The following B4GALNT2 variants were observed in gnomAD, a reference collection of about 807,000 sequenced individuals.
The protein encoded by B4GALNT2 is beta-1,4-N-acetyl-galactosaminyltransferase 2 (SID blood group).
Under a neutral mutation model 51.1 loss-of-function variants are expected in B4GALNT2, and 42 were observed. That is an observed-to-expected ratio of 0.82 (90% CI 0.64 to 1.06). The LOEUF is 1.06. B4GALNT2 is among the 50% of genes least tolerant of loss of function. B4GALNT2 has a pLI of 0.00. For missense variants in B4GALNT2, 602 were observed against 633.6 expected (o/e 0.95, Z 0.54); for synonymous variants, 253 against 251.7 (o/e 1.01, Z -0.05).
At chr17:49,125,121 C>A in the B4GALNT2 span, among the ~76,000 whole-genome samples, 59 of 151,864 alleles carry the variant, frequency 3.9e-4, no homozygotes, top group African/African-American at 1.4e-3. Context: ...CTTTTAGCAA[C>A]CTTTACTTTT....
Position 49,171,653 on chromosome 17 carries a change from G to A in B4GALNT2, c.*1925G>A, listed in dbSNP as rs1040036818. The A allele has an allele frequency of 2.3e-5, 9 of 389,862 alleles. No individual in the cohort carries two copies. The highest frequency in any genetic ancestry group is 4.4e-5 in the Non-Finnish European group (9 of 203,704). 24.2% of individuals were successfully genotyped at this position (389,862 alleles called of 1,614,324 possible). On this transcript the variant is annotated 3_prime_UTR_variant, in exon 11 of 11. Coordinates refer to ENST00000393354, the MANE Select transcript of B4GALNT2 (RefSeq NM_001159387.2). Reference sequence around the variant, plus strand: ...TTCTTACCATTTCTACCATCTGACTGTTTTGTTTAGACCAGCTGAACATAG... The same window carrying A: ...TTCTTACCATTTCTACCATCTGACTATTTTGTTTAGACCAGCTGAACATAG...
Position 49,170,912 on chromosome 17 carries a change from T to C in B4GALNT2, c.*1184T>C, listed in dbSNP as rs2042953515. The C allele has an allele frequency of 6.5e-6, 1 of 152,910 alleles. No individual in the cohort carries two copies. The highest frequency in any genetic ancestry group is 1.9e-4 in the East Asian group (1 of 5,210). The allele number at this position is 152,910 out of a possible 1,614,324, so 9.5% of individuals were successfully genotyped here. On this transcript the variant is annotated 3_prime_UTR_variant, in exon 11 of 11. Transcript: ENST00000393354. ...CAAAGGGATGGGCTCTGGCTAGTTATCTGCAGCAGGAACATGTCCTTAAAG... is the reference window on the plus strand; with the variant it reads ...CAAAGGGATGGGCTCTGGCTAGTTACCTGCAGCAGGAACATGTCCTTAAAG...
intron 8 of B4GALNT2, among the ~76,000 whole-genome samples, chr17:49,165,349 C>T (rs894007602): frequency 6.9e-6 from 1 of 145,980 alleles, no homozygotes; most frequent in Admixed American, 6.9e-5. Context: ...TCCCACCTTC[C>T]CTCTCTCCCC....
rs1226542757 is a variant in B4GALNT2 at position 49,171,340 on chromosome 17, C to G, written c.*1612C>G. 4 of 415,294 alleles carry G rather than the reference C, an allele frequency of 9.6e-6. No homozygotes were observed. The highest frequency in any genetic ancestry group is 1.8e-5 in the Non-Finnish European group (4 of 216,444). The allele number at this position is 415,294 out of a possible 1,614,324, so 25.7% of individuals were successfully genotyped here. On this transcript the variant is annotated 3_prime_UTR_variant, in exon 11 of 11. Transcript: ENST00000393354. Reference sequence around the variant, plus strand: ...TTTATCCACTTTAATGGGTTAATATCTGCTAATCTGTCTGCAGCTCCTTCA... The same window carrying G: ...TTTATCCACTTTAATGGGTTAATATGTGCTAATCTGTCTGCAGCTCCTTCA...
At chr17:49,146,459 C>T (rs76827636) in intron 3 of B4GALNT2, among the ~76,000 whole-genome samples, 2,640 of 152,208 alleles carry the variant, frequency 0.017, 110 homozygotes, top group African/African-American at 0.06. Flanking sequence ...TAAAGGTGCA[C>T]GCCACCACTC....
intron 2 of B4GALNT2, among the ~76,000 whole-genome samples, chr17:49,141,674 G>T (rs1055066053): frequency 6.6e-6 from 1 of 151,790 alleles, no homozygotes; most frequent in African/African-American, 2.4e-5. Context: ...AGAGCATGTA[G>T]TTTTTTTTTA....
chr17:49,163,392 C>T (rs950970253), intron 7 of B4GALNT2, among the ~76,000 whole-genome samples: 1 of 152,132 alleles, frequency 6.6e-6, no homozygotes, highest in African/African-American at 2.4e-5. Flanking sequence ...ATTTTCTCCT[C>T]TTCCTGGGCT....
intron 1 of B4GALNT2, among the ~76,000 whole-genome samples, chr17:49,133,912 AAAAACAAACAAACAAAC>A (rs1247749575): frequency 2.7e-5 from 4 of 150,590 alleles, no homozygotes; most frequent in East Asian, 1.9e-4. Flanking sequence ...ACTCTGTCTC[AAAAACAAACAAACAAAC>A]AAAACAAACA....
At chr17:49,132,429 A>C, upstream of B4GALNT2, 2 of 260,330 alleles carry the variant, frequency 7.7e-6, no homozygotes, top group Non-Finnish European at 1.4e-5. Context: ...GGCCGAATTT[A>C]GGGACCCCCA....
intron 1 of B4GALNT2, among the ~76,000 whole-genome samples, chr17:49,135,787 G>A (rs1020009192): frequency 1.3e-5 from 2 of 151,628 alleles, no homozygotes; most frequent in South Asian, 2.1e-4. Context: ...ATCCTGGCCC[G>A]GCATGGTGGC....
chr17:49,174,231 A>G lies in B4GALNT2; in HGVS notation c.*4503A>G, dbSNP rs904562202. Reference sequence around the variant, plus strand: ...ATATTTCTCGAGTGGGGGGCAGCACAAAGTATATCGTCCATATAATGAATA... The same window carrying G: ...ATATTTCTCGAGTGGGGGGCAGCACGAAGTATATCGTCCATATAATGAATA... On this transcript the variant is annotated 3_prime_UTR_variant, in exon 11 of 11. Transcript: ENST00000393354. The G allele has an allele frequency of 5.9e-5, 9 of 152,224 alleles. No individual in the cohort carries two copies. Among genetic ancestry groups the G allele is most frequent in the African/African-American group, 1.9e-4 (8 of 41,466 alleles). The allele number at this position is 152,224 out of a possible 1,614,324, so 9.4% of individuals were successfully genotyped here.
intron 1 of B4GALNT2, chr17:49,133,042 T>C: frequency 6.7e-7 from 1 of 1,496,722 alleles, no homozygotes. Flanking sequence ...AGCGCTGGCT[T>C]TTCCGTGGGA....
chr17:49,169,184 A>G lies in B4GALNT2; in HGVS notation c.1315+284A>G, dbSNP rs117227944. 3.5e-4 allele frequency among the ~76,000 whole-genome samples: 52 copies of G among 150,672 alleles called. No homozygotes were observed. The East Asian group carries it at 8.8e-3, about 25-fold the overall frequency. On this transcript the variant is annotated intron_variant, in intron 10 of 10. Transcript: ENST00000393354. ...TCTTCCTCCTTTCCCATGCTGCTTC[A>G]TATTCTATTTTTTCAGAAATCCTTT...
intron 1 of B4GALNT2, among the ~76,000 whole-genome samples, chr17:49,137,745 G>A (rs932091602): frequency 3.5e-4 from 54 of 152,206 alleles, no homozygotes; most frequent in African/African-American, 1.3e-3. Flanking sequence ...GAACTTAACA[G>A]GGAGGCCCCT....
chr17:49,146,808 T>G (rs937465714), intron 3 of B4GALNT2, among the ~76,000 whole-genome samples: 3 of 152,238 alleles, frequency 2.0e-5, no homozygotes, highest in Admixed American at 1.3e-4. Context: ...ACAAGGGCTA[T>G]GTCTCCTCCC....
chr17:49,171,439 T>A lies in B4GALNT2; in HGVS notation c.*1711T>A, dbSNP rs2042956957. 2 of 413,096 alleles carry A rather than the reference T, an allele frequency of 4.8e-6. No individual in the cohort carries two copies. Among genetic ancestry groups the A allele is most frequent in the Admixed American group, 6.5e-5 (2 of 30,584 alleles). The allele number at this position is 413,096 out of a possible 1,614,324, so 25.6% of individuals were successfully genotyped here. On this transcript the variant is annotated 3_prime_UTR_variant, in exon 11 of 11. Coordinates refer to ENST00000393354, the MANE Select transcript of B4GALNT2 (RefSeq NM_001159387.2). ...AATATTTGTTCTTTTAATTTTGCAATATGCAAAGACAAGTTTGTAGAGTGT... is the reference window on the plus strand; with the variant it reads ...AATATTTGTTCTTTTAATTTTGCAAAATGCAAAGACAAGTTTGTAGAGTGT...
intron 1 of B4GALNT2, among the ~76,000 whole-genome samples, chr17:49,139,747 TTCAAGTGATCC>T (rs1293729457): frequency 6.6e-6 from 1 of 152,090 alleles, no homozygotes; most frequent in Admixed American, 6.6e-5. Flanking sequence ...AACTCCTGGC[TTCAAGTGATCC>T]TCCTGCCTAG....
rs1475311406 is a variant in B4GALNT2, at chr17:49,147,374, C to CTTTT, written c.353+5205_353+5206insTTTT. Among the ~76,000 whole-genome samples, 1,336 of 143,832 alleles carry CTTTT rather than the reference C, an allele frequency of 9.3e-3. 29 individuals are homozygous for CTTTT. The highest frequency in any genetic ancestry group is 0.032 in the African/African-American group (1,265 of 39,200). 94.4% of individuals were successfully genotyped at this position (143,832 alleles called of 152,430 possible). A position where few individuals can be genotyped will look rare whatever the true frequency, so the allele number is the denominator to read the frequency against. ...TTTTCTTTATTCTTTTCTTTTCTTT[C>CTTTT]TTTCTTTTTTTTTTTTTTGAGACAA... On this transcript the variant is annotated intron_variant, in intron 3 of 10. Coordinates refer to ENST00000393354, the MANE Select transcript of B4GALNT2 (RefSeq NM_001159387.2).
intron 4 of B4GALNT2, among the ~76,000 whole-genome samples, chr17:49,155,062 C>T: frequency 6.6e-6 from 1 of 152,010 alleles, no homozygotes; most frequent in South Asian, 2.1e-4. Flanking sequence ...GTAATCCCAC[C>T]ACTTTGGGGG....
Sources: allele counts gnomAD v4.1 joint callset (sites outside exome capture counted in the v4.1 genomes callset), GRCh38; gene constraint gnomAD v4.1.1; transcripts MANE v1.5; gene names NCBI Gene and HGNC (gene_info 2026-07-23, HGNC 2026-07-21).